The following CALCR variants were observed in gnomAD, a reference collection of about 807,000 sequenced individuals.
CALCR encodes calcitonin receptor.
In CALCR, 47 loss-of-function variants were observed where a neutral mutation model predicts 59.5. The ratio of observed to expected loss-of-function variants is 0.79; its 90% CI spans 0.63 to 1.01. The LOEUF is 1.01. Among genes scored for constraint, CALCR ranks in the 50% least tolerant of loss-of-function variants. The probability of loss-of-function intolerance (pLI) is 0.00; values close to 1 mark genes in which losing one functional copy is unlikely to be tolerated. For synonymous variants in CALCR, 213 were observed against 211.3 expected (o/e 1.01, Z -0.07); for missense variants, 566 against 597.1 (o/e 0.95, Z 0.54).
intron 2 of CALCR, among the ~76,000 whole-genome samples, chr7:93,565,232 T>A (rs1789838217): frequency 6.6e-6 from 1 of 152,250 alleles, no homozygotes; most frequent in African/African-American, 2.4e-5. Context: ...ATGTCATCTC[T>A]GCTATGGTCT....
At chr7:93,559,990 T>G (rs992351169) in intron 2 of CALCR, among the ~76,000 whole-genome samples, 1 of 152,136 alleles carries the variant, frequency 6.6e-6, no homozygotes, top group African/African-American at 2.4e-5. Flanking sequence ...TATTCAGTAT[T>G]TACTTGTCTC....
chr7:93,551,174 GAGATTTTTC>G (rs1789446845), intron 2 of CALCR, among the ~76,000 whole-genome samples: 1 of 152,168 alleles, frequency 6.6e-6, no homozygotes, highest in South Asian at 2.1e-4. Context: ...AGTCCATCCT[GAGATTTTTC>G]AAACAAGTTG....
intron 2 of CALCR, among the ~76,000 whole-genome samples, chr7:93,545,594 G>C (rs1789265666): frequency 1.3e-5 from 2 of 152,148 alleles, no homozygotes; most frequent in Admixed American, 1.3e-4. Flanking sequence ...CTGAGAACAT[G>C]TTTTAAAAAG....
intron 2 of CALCR, among the ~76,000 whole-genome samples, chr7:93,510,299 G>T (rs142014981): frequency 6.6e-6 from 1 of 152,040 alleles, no homozygotes; most frequent in Admixed American, 6.6e-5. Flanking sequence ...CTTAGGACCC[G>T]TCCAATGTCC....
intron 7 of CALCR, among the ~76,000 whole-genome samples, chr7:93,461,870 T>A (rs1391775508): frequency 6.6e-6 from 1 of 152,158 alleles, no homozygotes; most frequent in Non-Finnish European, 1.5e-5. Context: ...GAAAATCTTA[T>A]ATTTATCATA....
intron 2 of CALCR, among the ~76,000 whole-genome samples, chr7:93,513,378 C>T (rs73711693): frequency 0.028 from 4,318 of 152,208 alleles, 234 homozygotes; most frequent in African/African-American, 0.098. Context: ...TTTACTAGGA[C>T]ACCTTATTAA....
intron 3 of CALCR, 98 bp from the exon 4 acceptor site, chr7:93,479,605 T>C (rs550371731): frequency 8.8e-7 from 1 of 1,135,742 alleles, no homozygotes; most frequent in South Asian, 1.6e-5. Flanking sequence ...TTATTTTTGC[T>C]CTCTAAGCAA....
chr7:93,559,703 A>T (rs1284076975), intron 2 of CALCR: 2 of 152,018 alleles, frequency 1.3e-5, no homozygotes, highest in Non-Finnish European at 2.9e-5. Context: ...TTTGACCATA[A>T]ATATTTTCAA....
At chr7:93,478,501 C>T (rs1800719475) in intron 4 of CALCR, among the ~76,000 whole-genome samples, 1 of 151,670 alleles carries the variant, frequency 6.6e-6, no homozygotes, top group Admixed American at 6.6e-5. Flanking sequence ...CCAGCATGGA[C>T]AACATGGCAA....
At chr7:93,537,653 G>A (rs1789025680) in intron 2 of CALCR, among the ~76,000 whole-genome samples, 1 of 151,610 alleles carries the variant, frequency 6.6e-6, no homozygotes, top group African/African-American at 2.4e-5. Context: ...GCTTGTTACA[G>A]TGCTTTCCAT....
At chr7:93,561,982 C>T (rs1476547277) in intron 2 of CALCR, among the ~76,000 whole-genome samples, 1 of 152,108 alleles carries the variant, frequency 6.6e-6, no homozygotes, top group South Asian at 2.1e-4. Flanking sequence ...TAAGCCTCAT[C>T]ATTTCCTGGA....
At chr7:93,517,277 T>C (rs1211347879) in intron 2 of CALCR, among the ~76,000 whole-genome samples, 3 of 151,742 alleles carry the variant, frequency 2.0e-5, no homozygotes, top group African/African-American at 4.8e-5. Flanking sequence ...TGGATTACTA[T>C]AAAAAAGTCA....
intron 2 of CALCR, among the ~76,000 whole-genome samples, chr7:93,530,159 C>A (rs1386769340): frequency 6.6e-6 from 1 of 151,984 alleles, no homozygotes; most frequent in Non-Finnish European, 1.5e-5. Flanking sequence ...CATAATTGAC[C>A]CTTATTGTGG....
At position 93,426,514 on chromosome 7, in the gene CALCR, T is replaced by G. The variant is rs1799533333; in HGVS notation, c.1267A>C (p.Asn423His). 8.1e-6 allele frequency: 13 copies of G among 1,613,896 alleles called. No homozygotes were observed. The highest frequency in any genetic ancestry group is 1.1e-5 in the Non-Finnish European group (13 of 1,179,808). ...WNQRWGRRPS[N>H]RSARAAAAAA... ...GCGGCTGCAGCGCGAGCAGAGCGGT[T>G]GGAGGGGCGCCTCCCCCAACGCTGG... The change falls in exon 14 of 14, where the codon AAC (asparagine) becomes CAC (histidine). Residue 423 changes from asparagine (N) to histidine (H), a missense_variant. By Grantham distance (68) the Asn-to-His change is moderately conservative (BLOSUM62 1). Coordinates refer to ENST00000426151, the MANE Select transcript of CALCR (RefSeq NM_001742.4).
At chr7:93,454,126 T>A (rs1800161709) in intron 8 of CALCR, among the ~76,000 whole-genome samples, 1 of 152,002 alleles carries the variant, frequency 6.6e-6, no homozygotes, top group South Asian at 2.1e-4. Flanking sequence ...CTCGGTTACC[T>A]CTGTCACATT....
rs771036123 is a variant in CALCR, at chr7:93,468,753, G to T, written c.483C>A (p.Phe161Leu). Residue 161 changes from phenylalanine to leucine, a missense_variant, in exon 7 of 14, where the codon TTC becomes TTA. By Grantham distance (22) the Phe-to-Leu change is conservative (BLOSUM62 0). Coordinates refer to ENST00000426151, the MANE Select transcript of CALCR (RefSeq NM_001742.4). ...AAATCCCCAGGGAAATCACTAGGGT[G>T]AAAATTGACAAAGAATGACCCACAA... The part of the protein sequence containing the change: ...LAIVGHSLSI[F>L]TLVISLGIFV... The T allele has an allele frequency of 1.9e-6, 3 of 1,610,948 alleles. No homozygotes were observed. Among genetic ancestry groups the T allele is most frequent in the South Asian group, 1.1e-5 (1 of 90,934 alleles).
chr7:93,501,764 G>A (rs1253289223), intron 2 of CALCR, among the ~76,000 whole-genome samples: 1 of 152,076 alleles, frequency 6.6e-6, no homozygotes, highest in Non-Finnish European at 1.5e-5. Context: ...GAGCTGAATT[G>A]AAATAACTGA....
At position 93,472,491 on chromosome 7, in the gene CALCR, T is replaced by A. The variant is rs755952334; in HGVS notation, c.317-4A>T. 3 of 1,502,926 alleles carry A rather than the reference T, an allele frequency of 2.0e-6. No individual in the cohort carries two copies. The East Asian group carries it at 6.8e-5, about 34-fold the overall frequency. The allele number at this position is 1,502,926 out of a possible 1,614,324, so 93.1% of individuals were successfully genotyped here. On this transcript the variant is annotated splice_polypyrimidine_tract_variant and splice_region_variant and intron_variant, in intron 5 of 13. Coordinates refer to ENST00000426151, the MANE Select transcript of CALCR (RefSeq NM_001742.4). ...TCACAGTATTTTGTAACCTTTTCTGTTAATGAAACATAACAGTTATTGCAT... is the reference window on the plus strand; with the variant it reads ...TCACAGTATTTTGTAACCTTTTCTGATAATGAAACATAACAGTTATTGCAT...
At chr7:93,432,771 T>G (rs1028399184) in intron 13 of CALCR, among the ~76,000 whole-genome samples, 7 of 152,196 alleles carry the variant, frequency 4.6e-5, no homozygotes, top group Non-Finnish European at 1.0e-4. Flanking sequence ...TATTTTGATA[T>G]TATTTTAGAC....
Sources: allele counts gnomAD v4.1 joint callset (sites outside exome capture counted in the v4.1 genomes callset), GRCh38; gene constraint gnomAD v4.1.1; transcripts MANE v1.5; gene names NCBI Gene and HGNC (gene_info 2026-07-23, HGNC 2026-07-21).